MOB3B: variants seen among roughly 807,000 people sequenced by gnomAD.
The protein encoded by MOB3B is MOB kinase activator 3B, also known as MOB kinase activator-like 2B.
Under a neutral mutation model 18.7 loss-of-function variants are expected in MOB3B, and 7 were observed. That is an observed-to-expected ratio of 0.37 (90% CI 0.21 to 0.70). The LOEUF (loss-of-function observed/expected upper bound fraction) is 0.70. Among genes scored for constraint, MOB3B ranks in the 30% least tolerant of loss-of-function variants. MOB3B has a pLI of 0.52. For missense variants in MOB3B, 253 were observed against 281.3 expected (o/e 0.90, Z 0.72); for synonymous variants, 111 against 99.9 (o/e 1.11, Z -0.66).
intron 3 of MOB3B, among the ~76,000 whole-genome samples, chr9:27,340,031 G>T (rs1247628216): frequency 6.6e-6 from 1 of 152,208 alleles, no homozygotes; most frequent in Admixed American, 6.5e-5. Context: ...TGTTCTTTCT[G>T]CTCTCTTTTA....
At chr9:27,415,954 T>C (rs1236226670) in intron 2 of MOB3B, among the ~76,000 whole-genome samples, 1 of 152,230 alleles carries the variant, frequency 6.6e-6, no homozygotes, top group Non-Finnish European at 1.5e-5. Flanking sequence ...TGATTAGATT[T>C]GCTTTTCACA....
chr9:27,478,197 AAT>A (rs1819584643), intron 1 of MOB3B, among the ~76,000 whole-genome samples: 1 of 152,198 alleles, frequency 6.6e-6, no homozygotes, highest in Non-Finnish European at 1.5e-5. Flanking sequence ...AGCAAACTCA[AAT>A]TGTTCTGTAG....
intron 1 of MOB3B, chr9:27,524,310 T>A: frequency 1.9e-6 from 3 of 1,599,350 alleles, no homozygotes; most frequent in Non-Finnish European, 2.6e-6. Context: ...TATACACATC[T>A]TCTGGATTTT....
chr9:27,427,096 G>A (rs1340275611), intron 2 of MOB3B, among the ~76,000 whole-genome samples: 1 of 152,202 alleles, frequency 6.6e-6, no homozygotes, highest in African/African-American at 2.4e-5. Context: ...AGGGCAGGGA[G>A]TGAAAAATGC....
In MOB3B at chr9:27,398,081, C is replaced by T. The variant is rs148017188; in HGVS notation, c.419-38845G>A. 2.0e-5 allele frequency among the ~76,000 whole-genome samples: 3 copies of T among 152,340 alleles called. No individual in the cohort carries two copies. In the East Asian group the frequency reaches 5.8e-4, roughly 29 times the overall value. ...GCCTTCTTCAGGAATCCCAGATCAG[C>T]ATTCTGGGTTACCTCAGTAGAAATT... On this transcript the variant is annotated intron_variant, in intron 2 of 3. Coordinates refer to ENST00000262244, the MANE Select transcript of MOB3B (RefSeq NM_024761.5).
chr9:27,456,530 G>C (rs1406434236), intron 1 of MOB3B, among the ~76,000 whole-genome samples: 1 of 152,202 alleles, frequency 6.6e-6, no homozygotes, highest in African/African-American at 2.4e-5. Context: ...GCCTAGCTAT[G>C]CTTCATGCCT....
intron 2 of MOB3B, among the ~76,000 whole-genome samples, chr9:27,407,991 C>T (rs1822012756): frequency 6.6e-6 from 1 of 152,144 alleles, no homozygotes; most frequent in Admixed American, 6.5e-5. Flanking sequence ...CCACTGAATC[C>T]TCACAGGCCT....
intron 1 of MOB3B, among the ~76,000 whole-genome samples, chr9:27,521,255 T>C (rs700794): frequency 0.015 from 2,208 of 152,258 alleles, 55 homozygotes; most frequent in African/African-American, 0.051. Flanking sequence ...AATGAGAATA[T>C]AATATGGAAT....
intron 2 of MOB3B, among the ~76,000 whole-genome samples, chr9:27,422,492 G>A (rs1453724127): frequency 6.6e-6 from 1 of 152,190 alleles, no homozygotes; most frequent in African/African-American, 2.4e-5. Context: ...GGAAGTTAAA[G>A]TTATTAATGG....
At chr9:27,405,532 G>A (rs1821954185) in intron 2 of MOB3B, among the ~76,000 whole-genome samples, 1 of 152,126 alleles carries the variant, frequency 6.6e-6, no homozygotes, top group Non-Finnish European at 1.5e-5. Context: ...TCTGTGGGCT[G>A]TCTCTTCATT....
At chr9:27,383,338 T>G (rs1821605875) in intron 2 of MOB3B, among the ~76,000 whole-genome samples, 1 of 152,330 alleles carries the variant, frequency 6.6e-6, no homozygotes, top group Middle Eastern at 3.4e-3. Flanking sequence ...AGTTTCTCAT[T>G]TAATCTCTCC....
At chr9:27,439,949 T>TG (rs1033310018) in intron 2 of MOB3B, among the ~76,000 whole-genome samples, 1 of 151,574 alleles carries the variant, frequency 6.6e-6, no homozygotes, top group African/African-American at 2.4e-5. Flanking sequence ...GGCCCGGTGG[T>TG]GGGGGGTAAG....
intron 1 of MOB3B, among the ~76,000 whole-genome samples, chr9:27,491,399 G>A (rs7019847): frequency 0.64 from 96,804 of 152,056 alleles, 31,930 homozygotes; most frequent in Non-Finnish European, 0.71. Context: ...CACCGACAAG[G>A]AGAAATGAGT....
chr9:27,365,643 C>A lies in MOB3B; in HGVS notation c.419-6407G>T, dbSNP rs1295752041. Among the ~76,000 whole-genome samples, 5 of 152,080 alleles carry A rather than the reference C, an allele frequency of 3.3e-5. No individual in the cohort carries two copies. In the East Asian group the frequency reaches 7.7e-4, roughly 23 times the overall value. On this transcript the variant is annotated intron_variant, in intron 2 of 3. Transcript: ENST00000262244. ...ATCAATAATTGAGACTCAGAACATGCCCTTCTCTCTATCCTACCCTGAGCT... is the reference window on the plus strand; with the variant it reads ...ATCAATAATTGAGACTCAGAACATGACCTTCTCTCTATCCTACCCTGAGCT...
chr9:27,487,594 T>C (rs905272694), intron 1 of MOB3B, among the ~76,000 whole-genome samples: 2 of 151,886 alleles, frequency 1.3e-5, no homozygotes, highest in African/African-American at 4.8e-5. Context: ...GTACCACGAG[T>C]AATAAACTAG....
chr9:27,481,474 C>T (rs1046325571), intron 1 of MOB3B, among the ~76,000 whole-genome samples: 25 of 145,822 alleles, frequency 1.7e-4, no homozygotes, highest in African/African-American at 5.8e-4. Context: ...AACTGGTAAG[C>T]GTGTACCTGT....
At chr9:27,358,274 A>G (rs1821223026) in intron 3 of MOB3B, among the ~76,000 whole-genome samples, 1 of 152,142 alleles carries the variant, frequency 6.6e-6, no homozygotes, top group Admixed American at 6.6e-5. Flanking sequence ...GAGCCACTAT[A>G]AAAAGCTTTG....
intron 2 of MOB3B, among the ~76,000 whole-genome samples, chr9:27,381,686 G>A (rs1821579491): frequency 6.6e-6 from 1 of 152,092 alleles, no homozygotes; most frequent in South Asian, 2.1e-4. Flanking sequence ...TCACTCTGTT[G>A]TCCAGGCTGG....
chr9:27,412,520 A>G (rs1822085755), intron 2 of MOB3B, among the ~76,000 whole-genome samples: 1 of 152,142 alleles, frequency 6.6e-6, no homozygotes, highest in Admixed American at 6.5e-5. Flanking sequence ...TTCTATAGTT[A>G]TTAGTCTCTT....
Sources: gnomAD v4.1 joint callset for allele counts (sites outside exome capture counted in the v4.1 genomes callset) on GRCh38, gnomAD v4.1.1 for gene constraint, MANE v1.5 for transcripts, NCBI Gene and HGNC (gene_info 2026-07-23, HGNC 2026-07-21) for gene names.